The following PLAG1 variants were observed in gnomAD, a reference collection of about 807,000 sequenced individuals.
The protein encoded by PLAG1 is zinc finger protein PLAG1.
Under a neutral mutation model 35.5 loss-of-function variants are expected in PLAG1, and 7 were observed. The observed-to-expected ratio is 0.20, with a 90% CI of 0.11 to 0.37. PLAG1 has a LOEUF of 0.37. Among genes scored for constraint, PLAG1 ranks in the 10% least tolerant of loss-of-function variants. PLAG1 has a pLI of 1.00. For missense variants in PLAG1, 454 were observed against 602.8 expected, an observed-to-expected ratio of 0.75 and a Z score of 2.58; for synonymous variants, 229 against 225.4, an observed-to-expected ratio of 1.02 and a Z score of -0.14.
chr8:56,168,453 T>C (rs981694514), intron 3 of PLAG1, 67 bp from the exon 4 acceptor site: 24 of 657,730 alleles, frequency 3.6e-5, no homozygotes, highest in Non-Finnish European at 5.2e-5. Flanking sequence ...TTATTTGCTA[T>C]GTGATGCTTT....
chr8:56,167,407 T>C lies in PLAG1; in HGVS notation c.339A>G (p.Thr113=). The C allele has an allele frequency of 6.2e-7, 1 of 1,613,558 alleles. No individual in the cohort carries two copies. The highest frequency in any genetic ancestry group is 8.5e-7 in the Non-Finnish European group (1 of 1,179,608). The change falls in exon 5 of 5, where the codon ACA becomes ACG. Residue 113 remains threonine, a synonymous_variant. Transcript: ENST00000316981. This position sits in a 1 kb window ranked among gnomAD's most constrained non-coding sequence, Gnocchi z 5.9. ...TAAACGTCTCTTTGTTAGGGTCGTG[T>C]GTATGGAGGTGATTCTTCAGATGAT... ...RKDHLKNHLH[T]HDPNKETFKC... is the part of the protein sequence containing the mutation.
intron 2 of PLAG1, among the ~76,000 whole-genome samples, chr8:56,174,760 T>C (rs1225688379): frequency 6.6e-6 from 1 of 152,224 alleles, no homozygotes; most frequent in East Asian, 1.9e-4. Context: ...ATTGAAAATA[T>C]TTTTTAAAAA....
Position 56,181,277 on chromosome 8 carries a change from T to C in PLAG1, c.-321-1764A>G, listed in dbSNP as rs1208613701. 3.9e-5 allele frequency among the ~76,000 whole-genome samples: 6 copies of C among 152,354 alleles called. No homozygotes were observed. In the East Asian group the frequency reaches 9.6e-4, roughly 24 times the overall value. On this transcript the variant is annotated intron_variant, in intron 1 of 4. Transcript: ENST00000316981. ...AAAGACACATGCACATGTATGTTTA[T>C]TGTGGCACTGTTCACAATAGCAAAG... is the stretch of plus-strand genomic sequence containing the variant.
chr8:56,192,684 T>C (rs1416894102), intron 1 of PLAG1, among the ~76,000 whole-genome samples: 4 of 152,356 alleles, frequency 2.6e-5, no homozygotes, highest in East Asian at 3.9e-4. Flanking sequence ...TTCACTATAT[T>C]GGTAGCAATG....
chr8:56,193,944 T>A (rs962351803), intron 1 of PLAG1, among the ~76,000 whole-genome samples: 1 of 152,056 alleles, frequency 6.6e-6, no homozygotes, highest in Non-Finnish European at 1.5e-5. Flanking sequence ...GGTCTCGATC[T>A]CTCGACCCCG....
intron 1 of PLAG1, among the ~76,000 whole-genome samples, chr8:56,187,319 A>C (rs1401637692): frequency 6.6e-6 from 1 of 152,194 alleles, no homozygotes; most frequent in East Asian, 1.9e-4. Flanking sequence ...TCTGACTTGG[A>C]GAGGGCCCGA....
At chr8:56,193,853 G>T (rs1278990012) in intron 1 of PLAG1, among the ~76,000 whole-genome samples, 1 of 151,892 alleles carries the variant, frequency 6.6e-6, no homozygotes. Flanking sequence ...TCGGTAGCAG[G>T]TACTACAGGC....
In PLAG1 at chr8:56,165,623, T is replaced by C. The variant is rs917389898; in HGVS notation, c.*620A>G. On this transcript the variant is annotated 3_prime_UTR_variant, in exon 5 of 5. Transcript: ENST00000316981. ...AAATACTGATGCTTTGTGTTTAGGG[T>C]TTGTTTTCCTTAAAGGCTCATAATA... 2 of 201,276 alleles carry C rather than the reference T, an allele frequency of 9.9e-6. No individual in the cohort carries two copies. Among genetic ancestry groups the C allele is most frequent in the African/African-American group, 4.6e-5 (2 of 43,598 alleles). 12.5% of individuals were successfully genotyped at this position (201,276 alleles called of 1,614,324 possible). A position where few individuals can be genotyped will look rare whatever the true frequency, so the allele number is the denominator to read the frequency against.
chr8:56,207,475 A>G (rs1368057839), intron 1 of PLAG1, among the ~76,000 whole-genome samples: 1 of 152,062 alleles, frequency 6.6e-6, no homozygotes, highest in Non-Finnish European at 1.5e-5. Context: ...CAAATTCACT[A>G]ATTTATTTTG....
At chr8:56,169,349 A>G (rs1811449209) in intron 3 of PLAG1, among the ~76,000 whole-genome samples, 1 of 152,220 alleles carries the variant, frequency 6.6e-6, no homozygotes, top group South Asian at 2.1e-4. Context: ...TTGGTGCTGC[A>G]AAAAAGAATG....
intron 1 of PLAG1, among the ~76,000 whole-genome samples, chr8:56,196,987 T>TGTGTGTGC (rs1227336889): frequency 0.066 from 9,911 of 149,334 alleles, 513 homozygotes; most frequent in Middle Eastern, 0.12. Context: ...TGTGTGTGTG[T>TGTGTGTGC]GCTCCTCTCT....
intron 1 of PLAG1, among the ~76,000 whole-genome samples, chr8:56,183,709 A>T (rs1156231148): frequency 6.6e-6 from 1 of 152,204 alleles, no homozygotes; most frequent in Non-Finnish European, 1.5e-5. Flanking sequence ...TGTCTTTATA[A>T]TCAGAAAAAA....
chr8:56,197,551 T>C (rs577277900), intron 1 of PLAG1, among the ~76,000 whole-genome samples: 3 of 152,346 alleles, frequency 2.0e-5, no homozygotes, highest in Non-Finnish European at 2.9e-5. Context: ...TCTTTCTCTG[T>C]GTTTGTCTTT....
At position 56,165,500 on chromosome 8, in the gene PLAG1, A is replaced by G. The variant is rs1811328518; in HGVS notation, c.*743T>C. On this transcript the variant is annotated 3_prime_UTR_variant, in exon 5 of 5. Coordinates refer to ENST00000316981, the MANE Select transcript of PLAG1 (RefSeq NM_002655.3). ...TTAAATGAAAAGATAGCATGTTAAG[A>G]AGGATGAAACACGACAAAATATCCT... The G allele has an allele frequency of 9.5e-6, 2 of 210,648 alleles. No individual in the cohort carries two copies. Among genetic ancestry groups the G allele is most frequent in the African/African-American group, 4.5e-5 (2 of 44,062 alleles). The allele number at this position is 210,648 out of a possible 1,614,324, so 13.0% of individuals were successfully genotyped here.
chr8:56,178,802 G>A (rs1811782466), intron 2 of PLAG1, among the ~76,000 whole-genome samples: 1 of 151,978 alleles, frequency 6.6e-6, no homozygotes, highest in African/African-American at 2.4e-5. Context: ...AAATCCACGT[G>A]TGCCTGGATT....
At chr8:56,170,349 A>C (rs1206803907) in intron 3 of PLAG1, among the ~76,000 whole-genome samples, 1 of 152,144 alleles carries the variant, frequency 6.6e-6, no homozygotes, top group Admixed American at 6.5e-5. Flanking sequence ...TTCTTGCTCT[A>C]TTTCTGTTAT....
chr8:56,168,430 AT>A, intron 3 of PLAG1, 44 bp from the exon 4 acceptor site: 1 of 883,152 alleles, frequency 1.1e-6, no homozygotes, highest in Non-Finnish European at 1.5e-6. Flanking sequence ...ACTAAACTCA[AT>A]TTTTAAAAAT....
intron 2 of PLAG1, chr8:56,171,449 C>T (rs1194934619): frequency 6.6e-6 from 1 of 152,068 alleles, no homozygotes; most frequent in Non-Finnish European, 1.5e-5. Context: ...CACTTCTTTC[C>T]CAAATTTATT....
At chr8:56,170,742 C>T (rs887975850) in intron 3 of PLAG1, among the ~76,000 whole-genome samples, 3 of 152,084 alleles carry the variant, frequency 2.0e-5, no homozygotes, top group African/African-American at 2.4e-5. Flanking sequence ...TAGAAGTGCA[C>T]CAATATGCAA....
Sources: allele counts gnomAD v4.1 joint callset (sites outside exome capture counted in the v4.1 genomes callset), GRCh38; gene constraint gnomAD v4.1.1; non-coding constraint Gnocchi (gnomAD v3.1); transcripts MANE v1.5; gene names NCBI Gene and HGNC (gene_info 2026-07-23, HGNC 2026-07-21).